Variants in HELLS observed in about 807,000 individuals in gnomAD.
HELLS encodes helicase, lymphoid specific, also known as lymphoid-specific helicase.
Under a neutral mutation model 120.0 loss-of-function variants are expected in HELLS, and 32 were observed. The observed-to-expected ratio is 0.27, with a 90% confidence interval of 0.20 to 0.36. The LOEUF (loss-of-function observed/expected upper bound fraction) is 0.36. Among genes scored for constraint, HELLS ranks in the 10% least tolerant of loss-of-function variants. The pLI is 1.00. For missense variants in HELLS, 650 were observed against 993.4 expected, an observed-to-expected ratio of 0.65 and a Z score of 4.65; for synonymous variants, 341 against 323.4, an observed-to-expected ratio of 1.05 and a Z score of -0.58.
Position 94,588,217 on chromosome 10 carries a change from T to G in HELLS, c.1327-12T>G. On this transcript the variant is annotated splice_polypyrimidine_tract_variant and intron_variant, in intron 12 of 21. Transcript: ENST00000348459. ...TAATACTCATATTTTTCTGTTCATG[T>G]TTTAATTTTAGATTTTAACACCTTT... is the stretch of plus-strand genomic sequence containing the variant. The G allele has an allele frequency of 6.5e-7, 1 of 1,544,932 alleles. No individual in the cohort carries two copies. The highest frequency in any genetic ancestry group is 8.9e-7 in the Non-Finnish European group (1 of 1,125,614).
At chr10:94,558,930 T>C (rs920854002) in intron 4 of HELLS, among the ~76,000 whole-genome samples, 17 of 152,108 alleles carry the variant, frequency 1.1e-4, no homozygotes, top group African/African-American at 4.1e-4. Flanking sequence ...AACAGTTCTT[T>C]TTAGGTAGAG....
At chr10:94,556,047 G>T (rs1843245372) in intron 3 of HELLS, among the ~76,000 whole-genome samples, 2 of 152,220 alleles carry the variant, frequency 1.3e-5, no homozygotes, top group Admixed American at 1.3e-4. Flanking sequence ...TAGCTATTCA[G>T]TAAGAAGCAC....
At chr10:94,606,392 G>A (rs985663346), downstream of HELLS, among the ~76,000 whole-genome samples, 3 of 151,758 alleles carry the variant, frequency 2.0e-5, no homozygotes, top group Non-Finnish European at 4.4e-5. Context: ...GTCCAGGTTG[G>A]AGAGCAGTGG....
chr10:94,579,581 AC>A (rs1844715295), intron 10 of HELLS, among the ~76,000 whole-genome samples: 1 of 147,886 alleles, frequency 6.8e-6, no homozygotes, highest in Non-Finnish European at 1.5e-5. Context: ...TCACTTTGTC[AC>A]CCAGGCTGGA....
intron 12 of HELLS, among the ~76,000 whole-genome samples, chr10:94,587,895 G>T (rs1196190176): frequency 6.6e-6 from 1 of 151,546 alleles, no homozygotes; most frequent in Admixed American, 6.6e-5. Context: ...CTTTTGTATG[G>T]TGCTGATAAC....
At chr10:94,588,439 TTC>T (rs1260818614) in intron 13 of HELLS, 49 bp downstream of exon 13, 1 of 1,392,084 alleles carries the variant, frequency 7.2e-7, no homozygotes, top group Admixed American at 2.5e-5. Context: ...CATATAAAAT[TTC>T]TCTTTTTTCC....
At chr10:94,585,287 A>G (rs1845067600) in intron 12 of HELLS, among the ~76,000 whole-genome samples, 1 of 151,698 alleles carries the variant, frequency 6.6e-6, no homozygotes, top group Non-Finnish European at 1.5e-5. Flanking sequence ...TTAAAAAGTA[A>G]GAAGTAAAAA....
rs1843557919 is a variant in HELLS at position 94,561,641 on chromosome 10, T to C, written c.334-1050T>C. Among the ~76,000 whole-genome samples, 6 of 151,974 alleles carry C rather than the reference T, an allele frequency of 3.9e-5. 1 individual carries two copies. In the South Asian group the frequency reaches 1.2e-3, roughly 32 times the overall value. ...CCACCATGCTCAGCTAATTTTCGCA[T>C]TTTTTATAGAGGTGGGGATCTTGCT... On this transcript the variant is annotated intron_variant, in intron 4 of 21. Transcript: ENST00000348459.
chr10:94,586,159 T>G (rs1271660834), intron 12 of HELLS, among the ~76,000 whole-genome samples: 1 of 152,106 alleles, frequency 6.6e-6, no homozygotes, highest in Non-Finnish European at 1.5e-5. Flanking sequence ...CTTGCTCTAT[T>G]GCCCAGGCTG....
intron 17 of HELLS, among the ~76,000 whole-genome samples, 159 bp from the exon 18 acceptor site, chr10:94,593,337 ACAG>A (rs1392042783): frequency 4.6e-5 from 7 of 152,248 alleles, no homozygotes; most frequent in Non-Finnish European, 7.3e-5. Context: ...GATAAAGCTA[ACAG>A]CACAGGTTTT....
At chr10:94,573,051 C>A (rs184103872) in intron 7 of HELLS, among the ~76,000 whole-genome samples, 499 of 152,172 alleles carry the variant, frequency 3.3e-3, no homozygotes, top group Non-Finnish European at 5.2e-3. Flanking sequence ...ACTCTGCCTC[C>A]CAGGTTCAAG....
chr10:94,596,055 A>C (rs11188041), intron 19 of HELLS, among the ~76,000 whole-genome samples: 2 of 151,972 alleles, frequency 1.3e-5, no homozygotes, highest in South Asian at 4.1e-4. Context: ...ACCTGGACTC[A>C]AGTGATCCTC....
chr10:94,597,010 G>C, intron 20 of HELLS, 25 bp from the exon 21 acceptor site: 1 of 1,479,946 alleles, frequency 6.8e-7, no homozygotes, highest in Non-Finnish European at 9.4e-7. Flanking sequence ...TATTCACATA[G>C]ACTTGAATAT....
Position 94,594,688 on chromosome 10 carries a change from C to CT in HELLS, c.2089-4dup. 1.3e-6 allele frequency: 2 copies of CT among 1,584,298 alleles called. No individual in the cohort carries two copies. The highest frequency in any genetic ancestry group is 2.3e-5 in the South Asian group (2 of 86,342). Reference sequence around the variant, plus strand: ...CGTTAAATATTATTTTTCTTTTTAACTTTAAGAACCCCCAGTCGGATCTTC... The same window carrying CT: ...CGTTAAATATTATTTTTCTTTTTAACTTTTAAGAACCCCCAGTCGGATCTTC... On this transcript the variant is annotated splice_polypyrimidine_tract_variant and splice_region_variant and intron_variant, in intron 18 of 21. Transcript: ENST00000348459.
intron 13 of HELLS, 136 bp from the exon 14 acceptor site, chr10:94,590,277 A>T: frequency 1.4e-6 from 1 of 736,588 alleles, no homozygotes; most frequent in Non-Finnish European, 2.1e-6. Context: ...TGTTAAAATT[A>T]AACTAATTTC....
intron 6 of HELLS, chr10:94,570,569 T>C (rs1589726700): frequency 6.6e-6 from 1 of 152,010 alleles, no homozygotes; most frequent in African/African-American, 2.4e-5. Context: ...CTATGCCTTC[T>C]ATATTCTCTC....
chr10:94,564,141 A>G (rs1843681279), intron 6 of HELLS, among the ~76,000 whole-genome samples: 1 of 152,158 alleles, frequency 6.6e-6, no homozygotes, highest in Non-Finnish European at 1.5e-5. Flanking sequence ...GTTATTACAG[A>G]TAACAGTAAT....
chr10:94,561,321 A>G (rs1156891947), intron 4 of HELLS, among the ~76,000 whole-genome samples: 1 of 152,156 alleles, frequency 6.6e-6, no homozygotes, highest in African/African-American at 2.4e-5. Context: ...TTTTATTTAT[A>G]TGACAATTTT....
chr10:94,546,062 T>G, intron 1 of HELLS, 110 bp downstream of exon 1: 3 of 1,288,006 alleles, frequency 2.3e-6, no homozygotes, highest in Non-Finnish European at 3.3e-6. Context: ...GGGCAGGGAC[T>G]GAGGAGGAAA....
Sources: gnomAD v4.1 joint callset for allele counts (sites outside exome capture counted in the v4.1 genomes callset) on GRCh38, gnomAD v4.1.1 for gene constraint, MANE v1.5 for transcripts, NCBI Gene and HGNC (gene_info 2026-07-23, HGNC 2026-07-21) for gene names.